Variants in SIRT1 observed in about 807,000 individuals in gnomAD.
SIRT1 encodes the protein NAD-dependent protein deacetylase sirtuin-1.
A neutral mutation model predicts 67.9 loss-of-function variants in SIRT1; 24 were observed. The ratio of observed to expected loss-of-function variants is 0.35; its 90% CI spans 0.26 to 0.50. The LOEUF is 0.50. Ranked by LOEUF, SIRT1 falls within the 20% of genes least tolerant of loss-of-function variation. The pLI, the probability that SIRT1 is intolerant of heterozygous loss-of-function variation, is 0.98. For synonymous variants in SIRT1, 378 were observed against 350.7 expected, an observed-to-expected ratio of 1.08 and a Z score of -0.87; for missense variants, 873 against 937.2, an observed-to-expected ratio of 0.93 and a Z score of 0.89.
Position 67,887,470 on chromosome 10 carries a change from A to G in SIRT1, c.484A>G (p.Ser162Gly), listed in dbSNP as rs1323755686. Residue 162 changes from serine to glycine, a missense_variant, in exon 2 of 9, where the codon AGT becomes GGT. Around this residue, in one of 3 missense-constraint regions of SIRT1, gnomAD observed 327 missense variants for 283.9 expected, o/e 1.15. Transcript: ENST00000212015. The part of the protein sequence containing the change: ...IITNGFHSCE[S>G]DEEDRASHAS... ...CACTAATGGTTTTCATTCCTGTGAA[A>G]GTGATGAGGAGGATAGAGCCTCACA... 3.7e-6 allele frequency: 6 copies of G among 1,613,860 alleles called. No individual in the cohort carries two copies. The highest frequency in any genetic ancestry group is 4.2e-6 in the Non-Finnish European group (5 of 1,179,890).
At chr10:67,907,456 T>G (rs528368997) in intron 5 of SIRT1, among the ~76,000 whole-genome samples, 1 of 147,164 alleles carries the variant, frequency 6.8e-6, no homozygotes, top group Admixed American at 6.8e-5. Flanking sequence ...GATTGCACCA[T>G]TGCGCTCCAG....
At chr10:67,906,434 C>T in intron 4 of SIRT1, 1 of 880,154 alleles carries the variant, frequency 1.1e-6, no homozygotes, top group Non-Finnish European at 1.6e-6. Context: ...TTAGTTTAAA[C>T]TTTCCCATTT....
At chr10:67,891,877 A>G (rs1199020572) in intron 4 of SIRT1, among the ~76,000 whole-genome samples, 1 of 152,200 alleles carries the variant, frequency 6.6e-6, no homozygotes, top group Non-Finnish European at 1.5e-5. Context: ...GATTTTTAAT[A>G]TTTTATTAGA....
chr10:67,902,779 T>C (rs1009043311), intron 4 of SIRT1, among the ~76,000 whole-genome samples: 30 of 152,206 alleles, frequency 2.0e-4, no homozygotes, highest in Non-Finnish European at 3.2e-4. Context: ...TGATGAATTC[T>C]CTAAAAATTC....
Position 67,916,682 on chromosome 10 carries a change from A to G in SIRT1, c.*89A>G. 1 of 1,062,042 alleles carries G rather than the reference A, an allele frequency of 9.4e-7. No individual in the cohort carries two copies. The highest frequency in any genetic ancestry group is 2.5e-5 in the East Asian group (1 of 39,258). The allele number at this position is 1,062,042 out of a possible 1,614,324, so 65.8% of individuals were successfully genotyped here. Reference sequence around the variant, plus strand: ...GAATGTTTACTTGTGAACTCGATAGAGCAAGGAAACCAGAAAGGTGTAATA... The same window carrying G: ...GAATGTTTACTTGTGAACTCGATAGGGCAAGGAAACCAGAAAGGTGTAATA... On this transcript the variant is annotated 3_prime_UTR_variant, in exon 9 of 9. Coordinates refer to ENST00000212015, the MANE Select transcript of SIRT1 (RefSeq NM_012238.5).
intron 4 of SIRT1, chr10:67,906,247 A>G (rs764535441): frequency 1.9e-6 from 3 of 1,583,374 alleles, no homozygotes; most frequent in African/African-American, 1.3e-5. Flanking sequence ...ACTCTATACT[A>G]TACCAGTATG....
intron 4 of SIRT1, among the ~76,000 whole-genome samples, chr10:67,894,958 A>G (rs1292568965): frequency 6.6e-6 from 1 of 152,112 alleles, no homozygotes; most frequent in African/African-American, 2.4e-5. Flanking sequence ...AGCCTCCCAA[A>G]GTGTTGGGAT....
Position 67,912,519 on chromosome 10 carries a change from C to T in SIRT1, c.1403C>T (p.Pro468Leu). 6.2e-7 allele frequency: 1 copy of T among 1,613,912 alleles called. No individual in the cohort carries two copies. The highest frequency in any genetic ancestry group is 1.1e-5 in the South Asian group (1 of 91,024). Reference sequence around the variant, plus strand: ...CCTCAGATATTAATTAATAGAGAACCTTTGCCTCATCTGCATTTTGATGTA... The same window carrying T: ...CCTCAGATATTAATTAATAGAGAACTTTTGCCTCATCTGCATTTTGATGTA... Reference protein sequence around the residue: ...EVPQILINREPLPHLHFDVEL... With the variant: ...EVPQILINRELLPHLHFDVEL... Residue 468 changes from proline (P) to leucine (L), a missense_variant, in exon 8 of 9, where the codon CCT (proline) becomes CTT (leucine). This residue lies in a region of SIRT1 where 251 missense variants were observed against 358.8 expected (regional missense o/e 0.70). Transcript: ENST00000212015.
chr10:67,889,273 A>C, intron 3 of SIRT1, 150 bp downstream of exon 3: 1 of 841,128 alleles, frequency 1.2e-6, no homozygotes, highest in Non-Finnish European at 1.8e-6. Flanking sequence ...AGCAGTTGCT[A>C]AATTAGTTCA....
intron 4 of SIRT1, among the ~76,000 whole-genome samples, chr10:67,899,578 C>A (rs1040719132): frequency 6.6e-6 from 1 of 151,982 alleles, no homozygotes; most frequent in South Asian, 2.1e-4. Flanking sequence ...CCAACAGAAT[C>A]AAAAACACCT....
chr10:67,910,736 A>G (rs1842886270), intron 7 of SIRT1, among the ~76,000 whole-genome samples: 1 of 152,318 alleles, frequency 6.6e-6, no homozygotes, highest in East Asian at 1.9e-4. Flanking sequence ...TGTGTATATA[A>G]AAGTGTTCAC....
At chr10:67,902,019 C>G (rs185506729) in intron 4 of SIRT1, among the ~76,000 whole-genome samples, 1 of 152,142 alleles carries the variant, frequency 6.6e-6, no homozygotes, top group Non-Finnish European at 1.5e-5. Flanking sequence ...GACGAAGTCT[C>G]GCTCTTGTCC....
chr10:67,914,475 G>A (rs1209361277), intron 8 of SIRT1, among the ~76,000 whole-genome samples: 1 of 152,144 alleles, frequency 6.6e-6, no homozygotes, highest in Non-Finnish European at 1.5e-5. Flanking sequence ...GTTCACAGGG[G>A]AAACTAGAAA....
chr10:67,898,117 G>A (rs1033956295), intron 4 of SIRT1, among the ~76,000 whole-genome samples: 13 of 151,174 alleles, frequency 8.6e-5, no homozygotes, highest in Non-Finnish European at 1.9e-4. Flanking sequence ...AAAATTAGAT[G>A]GATGTGGTGG....
At chr10:67,900,931 T>A (rs192660491) in intron 4 of SIRT1, among the ~76,000 whole-genome samples, 1 of 152,334 alleles carries the variant, frequency 6.6e-6, no homozygotes, top group East Asian at 1.9e-4. Context: ...ATAATAGTTG[T>A]ACGTGTACAT....
At chr10:67,897,087 C>T (rs965000678) in intron 4 of SIRT1, among the ~76,000 whole-genome samples, 5 of 151,160 alleles carry the variant, frequency 3.3e-5, no homozygotes, top group East Asian at 2.0e-4. Flanking sequence ...ACCTGGGAGG[C>T]GGAGGTTGCA....
intron 4 of SIRT1, among the ~76,000 whole-genome samples, chr10:67,905,195 G>A (rs1219845209): frequency 6.6e-6 from 1 of 152,196 alleles, no homozygotes; most frequent in African/African-American, 2.4e-5. Context: ...GCTATTTCCA[G>A]AGGGAGCTTT....
chr10:67,903,328 G>C (rs1842771135), intron 4 of SIRT1, among the ~76,000 whole-genome samples: 2 of 151,808 alleles, frequency 1.3e-5, no homozygotes, highest in African/African-American at 4.8e-5. Context: ...CATATTGCTA[G>C]AAATTTGGAG....
chr10:67,904,634 T>G (rs952924962), intron 4 of SIRT1, among the ~76,000 whole-genome samples: 2 of 151,762 alleles, frequency 1.3e-5, no homozygotes, highest in Non-Finnish European at 2.9e-5. Context: ...TCACCTGAGG[T>G]CAGGAGTTCA....
Sources: allele counts gnomAD v4.1 joint callset (sites outside exome capture counted in the v4.1 genomes callset), GRCh38; gene constraint gnomAD v4.1.1; regional missense constraint gnomAD v4.1.1; transcripts MANE v1.5; gene names NCBI Gene and HGNC (gene_info 2026-07-23, HGNC 2026-07-21).